The following COL13A1 variants were observed in gnomAD, a reference collection of about 807,000 sequenced individuals.
COL13A1 encodes the protein collagen alpha-1(XIII) chain.
Under a neutral mutation model 130.9 loss-of-function variants are expected in COL13A1, and 89 were observed. The ratio of observed to expected loss-of-function variants is 0.68; its 90% CI spans 0.57 to 0.81. The LOEUF is 0.81. Among genes scored for constraint, COL13A1 ranks in the 30% least tolerant of loss-of-function variants. The probability of loss-of-function intolerance (pLI) is 0.00; values close to 1 mark genes in which losing one functional copy is unlikely to be tolerated. For missense variants in COL13A1, 879 were observed against 934.6 expected (o/e 0.94, Z 0.78); for synonymous variants, 402 against 341.6 (o/e 1.18, Z -1.95).
intron 36 of COL13A1, among the ~76,000 whole-genome samples, chr10:69,944,883 G>A (rs2068239322): frequency 6.6e-6 from 1 of 152,176 alleles, no homozygotes; most frequent in Non-Finnish European, 1.5e-5. Context: ...GGGCCAGGTG[G>A]TGTTTAGATA....
At chr10:69,831,294 G>A (rs557299175) in intron 2 of COL13A1, among the ~76,000 whole-genome samples, 32 of 152,296 alleles carry the variant, frequency 2.1e-4, no homozygotes, top group African/African-American at 7.5e-4. Context: ...AGACCCAGGG[G>A]GTCAAGCCCT....
intron 2 of COL13A1, among the ~76,000 whole-genome samples, chr10:69,853,310 T>TGAGA (rs1034665188): frequency 1.3e-5 from 2 of 148,878 alleles, no homozygotes; most frequent in Non-Finnish European, 3.0e-5. Context: ...CTTCTAGGTG[T>TGAGA]GAGAGAGCTT....
intron 14 of COL13A1, among the ~76,000 whole-genome samples, chr10:69,900,783 T>G (rs1462020602): frequency 6.6e-6 from 1 of 152,208 alleles, no homozygotes; most frequent in Non-Finnish European, 1.5e-5. Flanking sequence ...TTGGAAAGAA[T>G]AGGGAGAGTC....
chr10:69,822,868 G>C (rs531617150), intron 2 of COL13A1, among the ~76,000 whole-genome samples: 2 of 152,312 alleles, frequency 1.3e-5, no homozygotes, highest in Non-Finnish European at 2.9e-5. Context: ...CCCTATAATT[G>C]TAAGACCTTA....
At chr10:69,894,446 G>A in intron 10 of COL13A1, 106 bp from the exon 11 acceptor site, 1 of 1,378,182 alleles carries the variant, frequency 7.3e-7, no homozygotes, top group Non-Finnish European at 1.0e-6. Context: ...GCCATGGCTG[G>A]TAGAGCCCAG....
At chr10:69,872,957 C>T (rs2059219866) in intron 4 of COL13A1, among the ~76,000 whole-genome samples, 1 of 152,186 alleles carries the variant, frequency 6.6e-6, no homozygotes, top group Non-Finnish European at 1.5e-5. Flanking sequence ...CCTTCAAAAC[C>T]CACCTTTAAA....
At chr10:69,901,257 AGCCCTAAAGTGGCTTCT>A (rs1330443638) in intron 14 of COL13A1, among the ~76,000 whole-genome samples, 1 of 152,220 alleles carries the variant, frequency 6.6e-6, no homozygotes, top group African/African-American at 2.4e-5. Context: ...GGACACCCTG[AGCCCTAAAGTGGCTTCT>A]CAGAGGGTGT....
intron 7 of COL13A1, among the ~76,000 whole-genome samples, chr10:69,886,330 A>G (rs1483348121): frequency 6.6e-6 from 1 of 152,204 alleles, no homozygotes; most frequent in Non-Finnish European, 1.5e-5. Flanking sequence ...AGATGAGGAA[A>G]CTGAGGCTCT....
Position 69,856,454 on chromosome 10 carries a change from T to TA in COL13A1, c.365-11343dup, listed in dbSNP as rs556583115. On this transcript the variant is annotated intron_variant, in intron 2 of 40. Transcript: ENST00000645393. The stretch of plus-strand genomic sequence containing the variant: ...ACACCTAATCTCCCTCAACTCTTCT[T>TA]AGAGTAGTGATTAAAGAATTAAGGA... Among the ~76,000 whole-genome samples the TA allele has an allele frequency of 2.7e-3, 417 of 152,258 alleles. 4 individuals carry two copies. The highest frequency in any genetic ancestry group is 9.1e-3 in the African/African-American group (376 of 41,542).
intron 2 of COL13A1, among the ~76,000 whole-genome samples, chr10:69,845,511 C>T (rs1489362096): frequency 3.3e-5 from 5 of 151,924 alleles, no homozygotes; most frequent in Non-Finnish European, 5.9e-5. Flanking sequence ...TTTTCTTACA[C>T]CCTCTAAATA....
intron 2 of COL13A1, among the ~76,000 whole-genome samples, chr10:69,845,195 CTT>C (rs61125163): frequency 7.3e-4 from 102 of 139,260 alleles, no homozygotes; most frequent in Middle Eastern, 7.0e-3. Flanking sequence ...TTTTCTTTTT[CTT>C]TTTTTTTTTT....
At chr10:69,834,271 G>T (rs1434345536) in intron 2 of COL13A1, among the ~76,000 whole-genome samples, 1 of 152,176 alleles carries the variant, frequency 6.6e-6, no homozygotes, top group Non-Finnish European at 1.5e-5. Flanking sequence ...CTGCTGTGAG[G>T]CCTGGTTCTT....
intron 1 of COL13A1, among the ~76,000 whole-genome samples, chr10:69,819,545 C>T (rs1321033706): frequency 1.3e-5 from 2 of 152,110 alleles, no homozygotes; most frequent in Non-Finnish European, 1.5e-5. Context: ...GGCAGAGGGG[C>T]CAGGTCTGCA....
intron 27 of COL13A1, 123 bp downstream of exon 27, chr10:69,927,233 G>GGT: frequency 4.1e-6 from 6 of 1,454,486 alleles, no homozygotes; most frequent in Non-Finnish European, 5.7e-6. Context: ...GATTAGGGTT[G>GGT]ACCCAACAGG....
intron 30 of COL13A1, among the ~76,000 whole-genome samples, chr10:69,930,785 A>T (rs1030278949): frequency 6.6e-6 from 1 of 152,204 alleles, no homozygotes; most frequent in African/African-American, 2.4e-5. Flanking sequence ...ATCCTTGGGA[A>T]AGCCACTCAC....
chr10:69,952,304 CGTG>C (rs1353708481), intron 38 of COL13A1, among the ~76,000 whole-genome samples: 1 of 152,232 alleles, frequency 6.6e-6, no homozygotes, highest in Non-Finnish European at 1.5e-5. Flanking sequence ...CACACTCAAA[CGTG>C]GGCACACACA....
intron 1 of COL13A1, among the ~76,000 whole-genome samples, chr10:69,806,103 A>G (rs1343985531): frequency 6.6e-6 from 1 of 152,022 alleles, no homozygotes; most frequent in South Asian, 2.1e-4. Flanking sequence ...AGACTTCACT[A>G]AAAGGTGCCA....
chr10:69,875,111 G>A lies in COL13A1; in HGVS notation c.400-17G>A, dbSNP rs776954905. On this transcript the variant is annotated splice_polypyrimidine_tract_variant and intron_variant, in intron 4 of 40. Coordinates refer to ENST00000645393, the MANE Select transcript of COL13A1 (RefSeq NM_001368882.1). The stretch of plus-strand genomic sequence containing the variant: ...GTTCCAACCACATCTGACTGTTTCT[G>A]CCTCCTTCATCATCAGGGGGACAAA... 17 of 1,613,842 alleles carry A rather than the reference G, an allele frequency of 1.1e-5. No individual in the cohort carries two copies. Among genetic ancestry groups the A allele is most frequent in the South Asian group, 2.2e-5 (2 of 91,084 alleles).
chr10:69,883,746 T>C (rs1161150555), intron 7 of COL13A1, among the ~76,000 whole-genome samples: 1 of 152,150 alleles, frequency 6.6e-6, no homozygotes, highest in African/African-American at 2.4e-5. Context: ...TTGGGCTTTG[T>C]CCTGAGGGTG....
Sources: allele counts gnomAD v4.1 joint callset (sites outside exome capture counted in the v4.1 genomes callset), GRCh38; gene constraint gnomAD v4.1.1; transcripts MANE v1.5; gene names NCBI Gene and HGNC (gene_info 2026-07-23, HGNC 2026-07-21).